The following CLPB variants were observed in gnomAD, a reference collection of about 807,000 sequenced individuals.
CLPB encodes ClpB family mitochondrial disaggregase, also known as mitochondrial disaggregase.
A neutral mutation model predicts 78.4 loss-of-function variants in CLPB; 40 were observed. The observed-to-expected ratio is 0.51, with a 90% CI of 0.40 to 0.66. The LOEUF is 0.66. Ranked by LOEUF, CLPB falls within the 30% of genes least tolerant of loss-of-function variation. The pLI is 0.00. For synonymous variants in CLPB, 333 were observed against 348.0 expected (o/e 0.96, Z 0.48); for missense variants, 780 against 886.9 (o/e 0.88, Z 1.53).
chr11:72,331,997 G>A (rs1950235147), intron 5 of CLPB, among the ~76,000 whole-genome samples: 1 of 152,194 alleles, frequency 6.6e-6, no homozygotes, highest in African/African-American at 2.4e-5. Context: ...AGCGATGTGG[G>A]AGGTGGAGGG....
chr11:72,428,544 C>T (rs1028327135), intron 2 of CLPB, among the ~76,000 whole-genome samples: 2 of 152,222 alleles, frequency 1.3e-5, no homozygotes, highest in Non-Finnish European at 2.9e-5. Flanking sequence ...CATCTGCTTC[C>T]CGCCTTTGCT....
intron 4 of CLPB, among the ~76,000 whole-genome samples, chr11:72,370,711 T>C (rs1457481617): frequency 1.3e-5 from 2 of 152,190 alleles, no homozygotes; most frequent in Admixed American, 6.5e-5. Flanking sequence ...TCACTCTGCC[T>C]TAGTTTCCTT....
At chr11:72,403,841 G>A (rs1322193808) in intron 2 of CLPB, among the ~76,000 whole-genome samples, 1 of 152,090 alleles carries the variant, frequency 6.6e-6, no homozygotes, top group African/African-American at 2.4e-5. Flanking sequence ...TTGCTCCCAG[G>A]ACAAAAGGAC....
At chr11:72,333,186 A>C (rs912380674) in intron 5 of CLPB, among the ~76,000 whole-genome samples, 3 of 152,136 alleles carry the variant, frequency 2.0e-5, no homozygotes, top group African/African-American at 7.2e-5. Context: ...CTCTACTCTC[A>C]TGAGGGCAGC....
At chr11:72,358,454 T>C (rs979028275) in intron 5 of CLPB, among the ~76,000 whole-genome samples, 3 of 152,172 alleles carry the variant, frequency 2.0e-5, no homozygotes, top group Non-Finnish European at 4.4e-5. Context: ...AGGATGTCTT[T>C]GTGACCTGGG....
intron 2 of CLPB, among the ~76,000 whole-genome samples, chr11:72,406,018 A>G (rs1289334052): frequency 6.6e-6 from 1 of 152,176 alleles, no homozygotes; most frequent in East Asian, 1.9e-4. Context: ...CCTAGTTGCC[A>G]TTCCTTAGCT....
At chr11:72,326,589 G>C (rs577906474) in intron 6 of CLPB, among the ~76,000 whole-genome samples, 1 of 152,270 alleles carries the variant, frequency 6.6e-6, no homozygotes, top group African/African-American at 2.4e-5. Context: ...AGGGTGGCAG[G>C]GGGATGCTGA....
rs1157721464 is a variant in CLPB at position 72,287,914 on chromosome 11, T to TA, written c.*5452dup. ...CCCTTTTATCAGGCTCAGGAGGTTT[T>TA]ATCTATTTTATTGGTGCTTTCAAAG... On this transcript the variant is annotated 3_prime_UTR_variant, in exon 16 of 16. Transcript: ENST00000538039. 1.0e-4 allele frequency: 15 copies of TA among 148,840 alleles called. No individual in the cohort carries two copies. Among genetic ancestry groups the TA allele is most frequent in the Admixed American group, 6.6e-4 (10 of 15,214 alleles). 9.2% of individuals were successfully genotyped at this position (148,840 alleles called of 1,614,324 possible).
intron 6 of CLPB, among the ~76,000 whole-genome samples, chr11:72,319,038 T>A (rs1949999607): frequency 6.6e-6 from 1 of 152,196 alleles, no homozygotes; most frequent in Admixed American, 6.5e-5. Flanking sequence ...GGAAGCTGGC[T>A]TGCAAGGGTT....
At chr11:72,307,413 G>A (rs574313628) in intron 8 of CLPB, among the ~76,000 whole-genome samples, 159 bp from the exon 9 acceptor site, 3 of 152,318 alleles carry the variant, frequency 2.0e-5, no homozygotes, top group Admixed American at 6.5e-5. Context: ...GTCACCTAGG[G>A]AGTTAATGGT....
intron 2 of CLPB, chr11:72,408,307 C>T: frequency 1.2e-6 from 1 of 840,252 alleles, no homozygotes; most frequent in Admixed American, 2.3e-5. Context: ...ATATTAATCC[C>T]TCTTGTGCAA....
At chr11:72,338,627 C>T (rs1435613443) in intron 5 of CLPB, among the ~76,000 whole-genome samples, 1 of 152,252 alleles carries the variant, frequency 6.6e-6, no homozygotes, top group African/African-American at 2.4e-5. Context: ...CCCTGAAGCT[C>T]TTCCAGGCCA....
At chr11:72,392,072 C>G (rs1037043341) in intron 3 of CLPB, among the ~76,000 whole-genome samples, 1 of 151,894 alleles carries the variant, frequency 6.6e-6, no homozygotes, top group Non-Finnish European at 1.5e-5. Flanking sequence ...TTGGGCCAGG[C>G]GCGTGTCAAA....
chr11:72,421,900 A>G (rs1029772912), intron 2 of CLPB, among the ~76,000 whole-genome samples: 2 of 152,226 alleles, frequency 1.3e-5, no homozygotes, highest in Non-Finnish European at 2.9e-5. Flanking sequence ...TGAGAGGTAC[A>G]AGGTCTACTT....
At chr11:72,412,582 G>A (rs1261425662) in intron 2 of CLPB, among the ~76,000 whole-genome samples, 1 of 152,206 alleles carries the variant, frequency 6.6e-6, no homozygotes, top group Non-Finnish European at 1.5e-5. Context: ...ATATGAGCCT[G>A]CCTCTGTCTG....
chr11:72,301,887 C>G lies in CLPB; in HGVS notation c.1245G>C (p.Gln415His). 1 of 1,614,196 alleles carries G rather than the reference C, an allele frequency of 6.2e-7. No individual in the cohort carries two copies. The highest frequency in any genetic ancestry group is 8.5e-7 in the Non-Finnish European group (1 of 1,180,026). ...CAAAGAGCACCACAGCATTGGGGCACTGCTTCAACTTCTTGGTCAGCTGGC... is the reference window on the plus strand; with the variant it reads ...CAAAGAGCACCACAGCATTGGGGCAGTGCTTCAACTTCTTGGTCAGCTGGC... ...EGGQLTKKLK[Q>H]CPNAVVLFDE... The change falls in exon 11 of 16, where the codon CAG (glutamine) becomes CAC (histidine). Residue 415 changes from glutamine (Q) to histidine (H), a missense_variant. Physicochemically the swap from Gln to His is conservative, Grantham distance 24. Around this residue, in one of 3 missense-constraint regions of CLPB, gnomAD observed 91 missense variants for 168.2 expected, o/e 0.54. Coordinates refer to ENST00000538039, the MANE Select transcript of CLPB (RefSeq NM_001258392.3).
Position 72,294,089 on chromosome 11 carries a change from C to G in CLPB, c.1718G>C (p.Arg573Pro), listed in dbSNP as rs765245566. The change falls in exon 15 of 16, where the codon CGC (arginine) becomes CCC (proline). Residue 573 changes from arginine (R) to proline (P), a missense_variant. Arg to Pro is a moderately radical substitution (Grantham distance 103). This residue lies in a region of CLPB where 272 missense variants were observed against 304.0 expected (regional missense o/e 0.89). Transcript: ENST00000538039. ...QRHNITLLWD[R>P]EVADVLVDGY... The stretch of plus-strand genomic sequence containing the variant: ...GTCGACCAGCACATCTGCCACCTCG[C>G]GGTCCCAGAGCAGCGTGATGTTGTG... 1.2e-6 allele frequency: 2 copies of G among 1,614,118 alleles called. No individual in the cohort carries two copies. Among genetic ancestry groups the G allele is most frequent in the Middle Eastern group, 1.6e-4 (1 of 6,062 alleles).
intron 5 of CLPB, among the ~76,000 whole-genome samples, chr11:72,331,092 T>C (rs1565442673): frequency 6.6e-6 from 1 of 152,108 alleles, no homozygotes; most frequent in South Asian, 2.1e-4. Context: ...AAATTTTTAA[T>C]AAAACTTTTT....
intron 1 of CLPB, among the ~76,000 whole-genome samples, chr11:72,433,502 T>C (rs1400328935): frequency 6.6e-6 from 1 of 151,680 alleles, no homozygotes; most frequent in Non-Finnish European, 1.5e-5. Context: ...ATTGCGCCAC[T>C]GCACTCCAGC....
Sources: gnomAD v4.1 joint callset for allele counts (sites outside exome capture counted in the v4.1 genomes callset) on GRCh38, gnomAD v4.1.1 for gene constraint, gnomAD v4.1.1 regional missense constraint, MANE v1.5 for transcripts, NCBI Gene and HGNC (gene_info 2026-07-23, HGNC 2026-07-21) for gene names.